The following MYO1D variants were observed in gnomAD, a reference collection of about 807,000 sequenced individuals.
The protein encoded by MYO1D is myosin ID.
Under a neutral mutation model 122.0 loss-of-function variants are expected in MYO1D, and 83 were observed. The ratio of observed to expected loss-of-function variants is 0.68; its 90% CI spans 0.57 to 0.82. The LOEUF (loss-of-function observed/expected upper bound fraction) is 0.82. Among genes scored for constraint, MYO1D ranks in the 40% least tolerant of loss-of-function variants. The probability of loss-of-function intolerance (pLI) is 0.00; values close to 1 mark genes in which losing one functional copy is unlikely to be tolerated. For synonymous variants in MYO1D, 464 were observed against 446.9 expected (o/e 1.04, Z -0.48); for missense variants, 1,157 against 1,269.5 (o/e 0.91, Z 1.35).
intron 16 of MYO1D, among the ~76,000 whole-genome samples, chr17:32,665,958 C>T (rs1029969323): frequency 6.6e-6 from 1 of 152,178 alleles, no homozygotes; most frequent in Non-Finnish European, 1.5e-5. Flanking sequence ...TCTATACTTT[C>T]ATTTAATATC....
intron 21 of MYO1D, among the ~76,000 whole-genome samples, chr17:32,509,016 G>T (rs1460516680): frequency 6.6e-6 from 1 of 152,222 alleles, no homozygotes. Flanking sequence ...GAAAGCAGCT[G>T]GGGCTAATGT....
At chr17:32,653,278 C>T (rs994272574) in intron 19 of MYO1D, among the ~76,000 whole-genome samples, 3 of 151,676 alleles carry the variant, frequency 2.0e-5, no homozygotes, top group Non-Finnish European at 2.9e-5. Context: ...AAGAGGTCCC[C>T]GCAATCTAGT....
At chr17:32,801,948 G>A (rs529344618) in intron 1 of MYO1D, among the ~76,000 whole-genome samples, 4 of 152,310 alleles carry the variant, frequency 2.6e-5, no homozygotes, top group East Asian at 1.9e-4. Flanking sequence ...CAGCTGAAAC[G>A]GACCTCCACT....
intron 21 of MYO1D, among the ~76,000 whole-genome samples, chr17:32,530,589 C>A (rs993764126): frequency 1.3e-5 from 2 of 152,102 alleles, no homozygotes; most frequent in African/African-American, 4.8e-5. Flanking sequence ...TCACTTGAGT[C>A]CAGGAGTTTG....
At chr17:32,823,622 T>A (rs1365239345) in intron 1 of MYO1D, among the ~76,000 whole-genome samples, 1 of 152,054 alleles carries the variant, frequency 6.6e-6, no homozygotes, top group African/African-American at 2.4e-5. Context: ...TATAAGTAAT[T>A]AAAAATTGAG....
At chr17:32,718,576 C>A (rs758945547) in intron 15 of MYO1D, among the ~76,000 whole-genome samples, 1 of 152,044 alleles carries the variant, frequency 6.6e-6, no homozygotes, top group African/African-American at 2.4e-5. Context: ...TGACGCGCCC[C>A]TGTAATCCCA....
intron 16 of MYO1D, among the ~76,000 whole-genome samples, chr17:32,685,453 T>C (rs147889128): frequency 1.6e-3 from 238 of 152,316 alleles, no homozygotes; most frequent in African/African-American, 5.5e-3. Flanking sequence ...CTAGCAGATA[T>C]TCTGTTCTTC....
At chr17:32,766,179 G>A (rs968157028) in intron 7 of MYO1D, among the ~76,000 whole-genome samples, 4 of 151,964 alleles carry the variant, frequency 2.6e-5, no homozygotes, top group East Asian at 3.9e-4. Context: ...GAGCAACCCC[G>A]CCCAGCTGAA....
In MYO1D at chr17:32,852,154, G is replaced by C. The variant is rs538971965; in HGVS notation, c.95+24624C>G. Among the ~76,000 whole-genome samples, 7 of 151,938 alleles carry C rather than the reference G, an allele frequency of 4.6e-5. No homozygotes were observed. The East Asian group carries it at 1.4e-3, about 29-fold the overall frequency. On this transcript the variant is annotated intron_variant, in intron 1 of 21. Transcript: ENST00000318217. ...TGTAAAGTTTTTTTTGTTGTTTTTT[G>C]AGACAGGGTCTCACTCTGTCACCCA...
chr17:32,500,575 T>C (rs537957617), intron 21 of MYO1D, among the ~76,000 whole-genome samples: 2 of 151,754 alleles, frequency 1.3e-5, no homozygotes, highest in East Asian at 3.9e-4. Flanking sequence ...GAAGAGGGGG[T>C]TGAGTGACTA....
At chr17:32,661,407 C>G (rs1314868161) in intron 16 of MYO1D, among the ~76,000 whole-genome samples, 3 of 152,094 alleles carry the variant, frequency 2.0e-5, no homozygotes, top group Non-Finnish European at 2.9e-5. Context: ...AATCCTAGCA[C>G]TTTAGGAGGT....
chr17:32,720,482 A>G (rs1245297424), intron 15 of MYO1D, among the ~76,000 whole-genome samples: 1 of 152,184 alleles, frequency 6.6e-6, no homozygotes, highest in East Asian at 1.9e-4. Flanking sequence ...AGAGCCAGGA[A>G]TCAAACCAGG....
intron 21 of MYO1D, chr17:32,531,567 T>C (rs2150873201): frequency 6.6e-6 from 1 of 152,324 alleles, no homozygotes; most frequent in East Asian, 1.9e-4. Context: ...AGAATGTTGT[T>C]GGAAAAAGAT....
At chr17:32,763,257 T>C (rs1163339855) in intron 8 of MYO1D, among the ~76,000 whole-genome samples, 1 of 151,068 alleles carries the variant, frequency 6.6e-6, no homozygotes, top group African/African-American at 2.4e-5. Flanking sequence ...CCATTGCACT[T>C]AGGAAAAATT....
At chr17:32,726,213 G>A (rs2089570948) in intron 14 of MYO1D, among the ~76,000 whole-genome samples, 1 of 152,124 alleles carries the variant, frequency 6.6e-6, no homozygotes, top group South Asian at 2.1e-4. Context: ...GAGGTCAGGG[G>A]TTTGAGACCA....
At chr17:32,741,168 C>T in intron 13 of MYO1D, among the ~76,000 whole-genome samples, 1 of 147,590 alleles carries the variant, frequency 6.8e-6, no homozygotes, top group Non-Finnish European at 1.5e-5. Flanking sequence ...TTCAGGGTTA[C>T]AGTGAGCTAT....
chr17:32,598,690 C>T (rs11651221), intron 21 of MYO1D, among the ~76,000 whole-genome samples: 46,660 of 152,020 alleles, frequency 0.31, 7,370 homozygotes, highest in South Asian at 0.37. Flanking sequence ...TTTTCCAGTG[C>T]ATATAAAAGT....
chr17:32,674,966 CCTGT>C (rs1204706675), intron 16 of MYO1D, among the ~76,000 whole-genome samples: 1 of 152,130 alleles, frequency 6.6e-6, no homozygotes, highest in Non-Finnish European at 1.5e-5. Flanking sequence ...TTTTCATTTT[CCTGT>C]CTTAGACTGT....
At chr17:32,526,468 T>C (rs1285236742) in intron 21 of MYO1D, among the ~76,000 whole-genome samples, 2 of 152,212 alleles carry the variant, frequency 1.3e-5, no homozygotes, top group Non-Finnish European at 2.9e-5. Context: ...TGTATGAAAA[T>C]GTGGCACTAC....
Sources: gnomAD v4.1 joint callset for allele counts (sites outside exome capture counted in the v4.1 genomes callset) on GRCh38, gnomAD v4.1.1 for gene constraint, MANE v1.5 for transcripts, NCBI Gene and HGNC (gene_info 2026-07-23, HGNC 2026-07-21) for gene names.